The following SPAG16 variants were observed in gnomAD, a reference collection of about 807,000 sequenced individuals.
SPAG16 encodes the protein sperm-associated antigen 16 protein.
SPAG16 carries 86 observed loss-of-function variants against 80.4 expected under a neutral mutation model. The observed-to-expected ratio is 1.07, with a 90% CI of 0.90 to 1.28. SPAG16 has a LOEUF of 1.28. Among genes scored for constraint, SPAG16 ranks in the 50% most tolerant of loss-of-function variants. The probability of loss-of-function intolerance (pLI) is 0.00; values close to 1 mark genes in which losing one functional copy is unlikely to be tolerated. For missense variants in SPAG16, 870 were observed against 765.3 expected, an observed-to-expected ratio of 1.14 and a Z score of -1.61; for synonymous variants, 294 against 265.9, an observed-to-expected ratio of 1.11 and a Z score of -1.03.
intron 9 of SPAG16, among the ~76,000 whole-genome samples, chr2:213,397,693 A>G (rs1328226796): frequency 2.6e-5 from 4 of 152,164 alleles, no homozygotes; most frequent in East Asian, 1.9e-4. Flanking sequence ...TGTTATTGCA[A>G]GTAACTGCTA....
intron 10 of SPAG16, among the ~76,000 whole-genome samples, chr2:213,695,849 T>C (rs997160145): frequency 6.6e-5 from 10 of 152,184 alleles, no homozygotes; most frequent in African/African-American, 2.4e-4. Flanking sequence ...AGGAGCTTAA[T>C]GTAGGTTATG....
chr2:213,701,622 C>T (rs1038979589), intron 10 of SPAG16, among the ~76,000 whole-genome samples: 6 of 152,200 alleles, frequency 3.9e-5, no homozygotes, highest in Non-Finnish European at 7.4e-5. Flanking sequence ...GTGCGTGGCG[C>T]GGGACTGGTA....
chr2:214,264,458 G>C (rs1691405687), intron 15 of SPAG16, among the ~76,000 whole-genome samples: 1 of 151,964 alleles, frequency 6.6e-6, no homozygotes, highest in South Asian at 2.1e-4. Context: ...TTATTTAATA[G>C]ACTTTATTTT....
intron 10 of SPAG16, among the ~76,000 whole-genome samples, chr2:213,745,960 G>A (rs138179930): frequency 1.0e-3 from 152 of 152,124 alleles, no homozygotes; most frequent in African/African-American, 3.3e-3. Context: ...TTGATTTCTC[G>A]TACAATTGCT....
chr2:213,881,853 C>G (rs960689375), intron 11 of SPAG16, among the ~76,000 whole-genome samples: 4 of 152,108 alleles, frequency 2.6e-5, no homozygotes, highest in Non-Finnish European at 5.9e-5. Context: ...TTTCTCTTGC[C>G]TGTTTTCAGT....
At chr2:214,319,646 G>A (rs189723453) in intron 15 of SPAG16, among the ~76,000 whole-genome samples, 198 of 152,210 alleles carry the variant, frequency 1.3e-3, no homozygotes, top group Middle Eastern at 3.4e-3. Flanking sequence ...TTTTAAAGGA[G>A]CATCAGTGGT....
chr2:213,363,826 T>G lies in SPAG16; in HGVS notation c.763-250T>G, dbSNP rs1218119976. On this transcript the variant is annotated intron_variant, in intron 7 of 15. Transcript: ENST00000331683. ...AATGAGTATTCTTAATTCAGGAAAC[T>G]ATGCCGTGAAATAAATGTTTCAGAT... Among the ~76,000 whole-genome samples, 4 of 152,218 alleles carry G rather than the reference T, an allele frequency of 2.6e-5. No homozygotes were observed. In the East Asian group the frequency reaches 7.7e-4, roughly 29 times the overall value.
At chr2:214,260,540 A>G (rs567215040) in intron 15 of SPAG16, among the ~76,000 whole-genome samples, 99 of 100,022 alleles carry the variant, frequency 9.9e-4, no homozygotes, top group African/African-American at 2.9e-3. Context: ...ATCCATTAAA[A>G]GTCTATTATT....
chr2:214,216,276 T>C (rs567288315), intron 15 of SPAG16, among the ~76,000 whole-genome samples: 3 of 152,214 alleles, frequency 2.0e-5, no homozygotes, highest in East Asian at 3.9e-4. Context: ...TGGGAGACAT[T>C]TGGATTATTC....
chr2:213,807,104 G>A (rs560649156), intron 10 of SPAG16, among the ~76,000 whole-genome samples: 1 of 152,222 alleles, frequency 6.6e-6, no homozygotes, highest in East Asian at 1.9e-4. Flanking sequence ...GTTTTATCCA[G>A]TAAATTTGAC....
At chr2:213,512,523 A>C (rs1342873183) in intron 10 of SPAG16, among the ~76,000 whole-genome samples, 3 of 152,306 alleles carry the variant, frequency 2.0e-5, no homozygotes, top group Non-Finnish European at 4.4e-5. Flanking sequence ...ATCACATAGC[A>C]TAAACTTTGT....
At chr2:213,833,479 ATAT>A in intron 10 of SPAG16, among the ~76,000 whole-genome samples, 1 of 2,274 alleles carries the variant, frequency 4.4e-4, no homozygotes, top group African/African-American at 5.7e-4. Context: ...ATATAATAAT[ATAT>A]ATATTATATA....
chr2:214,120,191 A>G (rs1576271828), intron 14 of SPAG16, among the ~76,000 whole-genome samples: 1 of 151,522 alleles, frequency 6.6e-6, no homozygotes, highest in Non-Finnish European at 1.5e-5. Context: ...CATTCACTTC[A>G]TGTTTCTTTT....
At chr2:214,279,477 A>T (rs1692733138) in intron 15 of SPAG16, among the ~76,000 whole-genome samples, 1 of 152,240 alleles carries the variant, frequency 6.6e-6, no homozygotes, top group African/African-American at 2.4e-5. Context: ...TTTCTGAGCC[A>T]CAACTCGAGA....
chr2:214,133,488 T>A (rs1163024595), intron 14 of SPAG16, among the ~76,000 whole-genome samples: 1 of 151,934 alleles, frequency 6.6e-6, no homozygotes, highest in Non-Finnish European at 1.5e-5. Flanking sequence ...ACGAAAATTC[T>A]CTACTAAAAA....
chr2:213,325,238 A>T (rs1165915774), intron 5 of SPAG16, among the ~76,000 whole-genome samples: 1 of 151,834 alleles, frequency 6.6e-6, no homozygotes, highest in Non-Finnish European at 1.5e-5. Context: ...TTAATGAAGC[A>T]TATCTTATCT....
chr2:214,321,752 CAAAT>C, intron 15 of SPAG16, among the ~76,000 whole-genome samples: 1 of 152,076 alleles, frequency 6.6e-6, no homozygotes, highest in South Asian at 2.1e-4. Context: ...TTATTGAAAT[CAAAT>C]AAACACTGTA....
intron 10 of SPAG16, among the ~76,000 whole-genome samples, chr2:213,835,661 G>T (rs1022422921): frequency 6.6e-6 from 1 of 151,994 alleles, no homozygotes; most frequent in Non-Finnish European, 1.5e-5. Context: ...GGAGATTTAT[G>T]CTCTAAAATT....
At chr2:214,012,203 C>G (rs563589172) in intron 12 of SPAG16, among the ~76,000 whole-genome samples, 2 of 135,018 alleles carry the variant, frequency 1.5e-5, no homozygotes, top group Non-Finnish European at 3.1e-5. Context: ...GATTAACTAT[C>G]TGATTTATAC....
Sources: gnomAD v4.1 joint callset for allele counts (sites outside exome capture counted in the v4.1 genomes callset) on GRCh38, gnomAD v4.1.1 for gene constraint, MANE v1.5 for transcripts, NCBI Gene and HGNC (gene_info 2026-07-23, HGNC 2026-07-21) for gene names.